SOAT1: variants seen among roughly 807,000 people sequenced by gnomAD.
SOAT1 encodes the protein acyl-coenzyme A:cholesterol acyltransferase 1.
A neutral mutation model predicts 69.5 loss-of-function variants in SOAT1; 55 were observed. That is an observed-to-expected ratio of 0.79 (90% CI 0.64 to 0.99). The LOEUF (loss-of-function observed/expected upper bound fraction) is 0.99, where lower values mean the gene tolerates loss of function less well. SOAT1 is among the 50% of genes least tolerant of loss of function. The pLI, the probability that SOAT1 is intolerant of heterozygous loss-of-function variation, is 0.00. For missense variants in SOAT1, 580 were observed against 669.3 expected (o/e 0.87, Z 1.47); for synonymous variants, 231 against 224.7 (o/e 1.03, Z -0.25).
At chr1:179,314,143 A>T (rs1399495288) in intron 2 of SOAT1, among the ~76,000 whole-genome samples, 1 of 152,128 alleles carries the variant, frequency 6.6e-6, no homozygotes, top group Non-Finnish European at 1.5e-5. Context: ...ACTCAGTTCA[A>T]ATATTGACTC....
intron 2 of SOAT1, among the ~76,000 whole-genome samples, chr1:179,307,941 G>A (rs960755643): frequency 3.3e-5 from 5 of 152,000 alleles, no homozygotes; most frequent in Non-Finnish European, 7.4e-5. Context: ...ACAGGCATGC[G>A]CCACCCTCCT....
At chr1:179,318,280 C>T (rs998808839) in intron 2 of SOAT1, among the ~76,000 whole-genome samples, 12 of 151,864 alleles carry the variant, frequency 7.9e-5, no homozygotes, top group Non-Finnish European at 1.3e-4. Flanking sequence ...ATAATGGTAC[C>T]ATGATTCAGT....
intron 7 of SOAT1, 193 bp from the exon 8 acceptor site, chr1:179,341,921 A>G (rs1482032401): frequency 2.8e-6 from 1 of 356,908 alleles, no homozygotes; most frequent in East Asian, 1.6e-4. Flanking sequence ...TCATAATTAA[A>G]AACTTCACTT....
intron 3 of SOAT1, among the ~76,000 whole-genome samples, chr1:179,335,015 CAAAAAAAAAAAA>C (rs10603546): frequency 6.8e-5 from 5 of 73,538 alleles, no homozygotes; most frequent in South Asian, 4.9e-4. Context: ...AACTCCATCT[CAAAAAAAAAAAA>C]AAAAAAAAAA....
At position 179,302,813 on chromosome 1, in the gene SOAT1, ATTT is replaced by A; in HGVS notation, c.118+21_118+23del. 1.6e-6 allele frequency: 2 copies of A among 1,230,664 alleles called. No individual in the cohort carries two copies. Among genetic ancestry groups the A allele is most frequent in the African/African-American group, 1.6e-5 (1 of 63,822 alleles). 76.2% of individuals were successfully genotyped at this position (1,230,664 alleles called of 1,614,324 possible). A position where few individuals can be genotyped will look rare whatever the true frequency, so the allele number is the denominator to read the frequency against. ...AGACACCTAGTAATGGTGAGGCTTA[ATTT>A]TTTTTTTTTAGGTGAATTAGTGAAA... On this transcript the variant is annotated intron_variant, in intron 2 of 15. Transcript: ENST00000367619.
intron 2 of SOAT1, among the ~76,000 whole-genome samples, chr1:179,312,508 C>T (rs943659683): frequency 2.0e-5 from 3 of 152,150 alleles, no homozygotes; most frequent in African/African-American, 7.2e-5. Flanking sequence ...TCTCATTGGC[C>T]AGAGTTAGAT....
chr1:179,297,829 C>T lies in SOAT1; in HGVS notation c.-9+3893C>T, dbSNP rs528071586. Reference sequence around the variant, plus strand: ...GGCGGATCACCTGAGGTTGGGAGTTCGACACCCCATCTCTACTAAAAATAC... The same window carrying T: ...GGCGGATCACCTGAGGTTGGGAGTTTGACACCCCATCTCTACTAAAAATAC... On this transcript the variant is annotated intron_variant, in intron 1 of 15. Coordinates refer to ENST00000367619, the MANE Select transcript of SOAT1 (RefSeq NM_003101.6). Among the ~76,000 whole-genome samples, 4 of 150,022 alleles carry T rather than the reference C, an allele frequency of 2.7e-5. No homozygotes were observed. The East Asian group carries it at 6.1e-4, about 23-fold the overall frequency.
At chr1:179,325,890 A>G (rs1367470856) in intron 3 of SOAT1, among the ~76,000 whole-genome samples, 1 of 152,220 alleles carries the variant, frequency 6.6e-6, no homozygotes, top group Non-Finnish European at 1.5e-5. Context: ...GAAATCTTTT[A>G]GCTTGGTCAT....
intron 2 of SOAT1, among the ~76,000 whole-genome samples, chr1:179,317,111 TC>T (rs1665421223): frequency 6.6e-6 from 1 of 152,210 alleles, no homozygotes; most frequent in African/African-American, 2.4e-5. Flanking sequence ...CCTCCAAAGT[TC>T]ATTTTGGCAA....
At chr1:179,337,071 T>C (rs1215319494) in intron 4 of SOAT1, among the ~76,000 whole-genome samples, 1 of 152,148 alleles carries the variant, frequency 6.6e-6, no homozygotes, top group Non-Finnish European at 1.5e-5. Flanking sequence ...ATGCGATTAG[T>C]ATATACTTTT....
rs901717542 is a variant in SOAT1 at position 179,354,213 on chromosome 1, A to G, written c.*572A>G. ...TTTGTAATTTTTTTGAAAAAAGTTC[A>G]ATGTTCAGTTTTCCTTAGTTTTTAC... On this transcript the variant is annotated 3_prime_UTR_variant, in exon 16 of 16. Coordinates refer to ENST00000367619, the MANE Select transcript of SOAT1 (RefSeq NM_003101.6). 1 of 152,656 alleles carries G rather than the reference A, an allele frequency of 6.6e-6. No individual in the cohort carries two copies. The highest frequency in any genetic ancestry group is 2.4e-5 in the African/African-American group (1 of 41,440). The allele number at this position is 152,656 out of a possible 1,614,324, so 9.5% of individuals were successfully genotyped here. A position where few individuals can be genotyped will look rare whatever the true frequency, so the allele number is the denominator to read the frequency against.
chr1:179,342,313 CTCTT>C lies in SOAT1; in HGVS notation c.859+125_859+128del, dbSNP rs1251087169. 5.4e-6 allele frequency: 3 copies of C among 559,328 alleles called. No individual in the cohort carries two copies. In the African/African-American group the frequency reaches 6.3e-5, roughly 12 times the overall value. The allele number at this position is 559,328 out of a possible 1,614,324, so 34.6% of individuals were successfully genotyped here. On this transcript the variant is annotated intron_variant, in intron 8 of 15. Coordinates refer to ENST00000367619, the MANE Select transcript of SOAT1 (RefSeq NM_003101.6). ...CTTCCCTCCCTCCCTCTCTCTTTTT[CTCTT>C]TCTCTTTCTCTCTCTCTCTCTTTTT...
At chr1:179,296,368 G>A (rs1008788019) in intron 1 of SOAT1, among the ~76,000 whole-genome samples, 5 of 152,170 alleles carry the variant, frequency 3.3e-5, no homozygotes, top group Admixed American at 6.5e-5. Flanking sequence ...GTCTTGGACC[G>A]TATCCCCCAT....
intron 2 of SOAT1, among the ~76,000 whole-genome samples, chr1:179,317,287 A>C (rs1665426324): frequency 6.6e-6 from 1 of 152,162 alleles, no homozygotes; most frequent in Admixed American, 6.5e-5. Flanking sequence ...TAATCCTAGC[A>C]CTTTGGAAGG....
At chr1:179,343,022 A>T in intron 9 of SOAT1, 79 bp downstream of exon 9, 1 of 1,043,894 alleles carries the variant, frequency 9.6e-7, no homozygotes, top group South Asian at 1.3e-5. Context: ...AACAGGGGCC[A>T]GTTCATGTAG....
At chr1:179,325,771 G>C (rs1433555690) in intron 3 of SOAT1, among the ~76,000 whole-genome samples, 1 of 152,128 alleles carries the variant, frequency 6.6e-6, no homozygotes, top group Non-Finnish European at 1.5e-5. Flanking sequence ...GGTTTTGGGG[G>C]AAAGGGGTAG....
intron 3 of SOAT1, among the ~76,000 whole-genome samples, chr1:179,332,227 A>G (rs1198414928): frequency 1.3e-5 from 2 of 152,206 alleles, no homozygotes; most frequent in East Asian, 1.9e-4. Context: ...AAATCTGAAC[A>G]TGTTTACAAA....
chr1:179,341,266 T>C lies in SOAT1; in HGVS notation c.736T>C (p.Tyr246His), dbSNP rs766591286. The change falls in exon 7 of 16, where the codon TAT (tyrosine) becomes CAT (histidine). Residue 246 changes from tyrosine to histidine, a missense_variant. Tyr to His is a moderately conservative substitution (Grantham distance 83). Transcript: ENST00000367619. ...GFGPTYVVLAYTLPPASRFII... is the reference protein window; with the variant it reads ...GFGPTYVVLAHTLPPASRFII... ...TGGACCAACATATGTTGTGTTAGCA[T>C]ATACACTGCCACCAGCTTCCCGGTT... The C allele has an allele frequency of 2.5e-6, 4 of 1,614,046 alleles. No homozygotes were observed. The highest frequency in any genetic ancestry group is 1.3e-5 in the African/African-American group (1 of 74,926).
At chr1:179,303,694 CTTAG>C (rs1350828226) in intron 2 of SOAT1, among the ~76,000 whole-genome samples, 2 of 152,078 alleles carry the variant, frequency 1.3e-5, no homozygotes, top group Non-Finnish European at 2.9e-5. Flanking sequence ...TTGATAGGCT[CTTAG>C]TTAGCTATAT....
Sources: allele counts gnomAD v4.1 joint callset (sites outside exome capture counted in the v4.1 genomes callset), GRCh38; gene constraint gnomAD v4.1.1; transcripts MANE v1.5; gene names NCBI Gene and HGNC (gene_info 2026-07-23, HGNC 2026-07-21).